The following GAS7 variants were observed in gnomAD, a reference collection of about 807,000 sequenced individuals.
GAS7 encodes growth arrest specific 7.
In GAS7, 28 loss-of-function variants were observed where a neutral mutation model predicts 71.1. The observed-to-expected ratio is 0.39, with a 90% CI of 0.29 to 0.54. The LOEUF (loss-of-function observed/expected upper bound fraction) is 0.54, where lower values mean the gene tolerates loss of function less well. Among genes scored for constraint, GAS7 ranks in the 20% least tolerant of loss-of-function variants. GAS7 has a pLI of 0.62. For synonymous variants in GAS7, 258 were observed against 245.8 expected (o/e 1.05, Z -0.46); for missense variants, 436 against 627.8 (o/e 0.69, Z 3.27).
At chr17:9,995,858 C>T (rs2071021366) in intron 2 of GAS7, among the ~76,000 whole-genome samples, 1 of 152,152 alleles carries the variant, frequency 6.6e-6, no homozygotes, top group African/African-American at 2.4e-5. Context: ...TAAATGTTCA[C>T]CAACAGGGGA....
At position 10,065,875 on chromosome 17, in the gene GAS7, G is replaced by A. The variant is rs770495853; in HGVS notation, c.184-45978C>T. 8.5e-4 allele frequency among the ~76,000 whole-genome samples: 130 copies of A among 152,116 alleles called. 1 individual carries two copies. The highest frequency in any genetic ancestry group is 6.5e-4 in the Non-Finnish European group (44 of 68,018). The stretch of plus-strand genomic sequence containing the variant: ...CCAACTGTGCCAGTCACATAACACT[G>A]GAAGAAGAAATAGCCAGAATGTTGG... On this transcript the variant is annotated intron_variant, in intron 1 of 13. Coordinates refer to ENST00000432992, the MANE Select transcript of GAS7 (RefSeq NM_201433.2).
At chr17:10,004,470 G>T (rs575612849) in intron 2 of GAS7, among the ~76,000 whole-genome samples, 1 of 151,950 alleles carries the variant, frequency 6.6e-6, no homozygotes, top group Non-Finnish European at 1.5e-5. Context: ...ACTTCCCGCC[G>T]CACCACAGGT....
At chr17:9,937,643 T>C (rs1365666304) in intron 8 of GAS7, among the ~76,000 whole-genome samples, 1 of 152,212 alleles carries the variant, frequency 6.6e-6, no homozygotes, top group African/African-American at 2.4e-5. Flanking sequence ...AGCCAACCCA[T>C]GTGGAGGGCT....
chr17:10,155,159 T>C (rs2074196466), intron 1 of GAS7, among the ~76,000 whole-genome samples: 1 of 151,822 alleles, frequency 6.6e-6, no homozygotes, highest in African/African-American at 2.4e-5. Context: ...GGATTACAGG[T>C]GCGTACCAAC....
chr17:10,018,688 G>A lies in GAS7; in HGVS notation c.304+1089C>T, dbSNP rs2072137780. 2.0e-5 allele frequency among the ~76,000 whole-genome samples: 3 copies of A among 152,266 alleles called. No homozygotes were observed. The South Asian group carries it at 6.2e-4, about 32-fold the overall frequency. On this transcript the variant is annotated intron_variant, in intron 2 of 13. Transcript: ENST00000432992. ...TACGAATAAACCAGCTGCCTTCTTT[G>A]TGTCTCTGCTAAACAGTAGCTGGCT...
At chr17:10,182,150 C>T (rs1461961835) in intron 1 of GAS7, among the ~76,000 whole-genome samples, 1 of 152,138 alleles carries the variant, frequency 6.6e-6, no homozygotes, top group East Asian at 1.9e-4. Context: ...CGGTAGCCAT[C>T]CTTTTATTCC....
rs538328031 is a variant in GAS7 at position 9,995,544 on chromosome 17, A to C, written c.305-13660T>G. On this transcript the variant is annotated intron_variant, in intron 2 of 13. Transcript: ENST00000432992. Reference sequence around the variant, plus strand: ...ACAATTGCAAATGATCAATAACAAAAAAAAAAAAAAAAGATACTCATTCTC... The same window carrying C: ...ACAATTGCAAATGATCAATAACAAACAAAAAAAAAAAAGATACTCATTCTC... Among the ~76,000 whole-genome samples the C allele has an allele frequency of 8.6e-3, 533 of 61,656 alleles. 1 individual carries two copies. Among genetic ancestry groups the C allele is most frequent in the African/African-American group, 0.031 (333 of 10,918 alleles). The allele number at this position is 61,656 out of a possible 152,430, so 40.4% of individuals were successfully genotyped here. A position where few individuals can be genotyped will look rare whatever the true frequency, so the allele number is the denominator to read the frequency against.
At chr17:9,973,050 A>C (rs1055580736) in intron 3 of GAS7, among the ~76,000 whole-genome samples, 1 of 152,156 alleles carries the variant, frequency 6.6e-6, no homozygotes, top group African/African-American at 2.4e-5. Flanking sequence ...CCAAAAGAAA[A>C]CAGGAGAACG....
intron 1 of GAS7, among the ~76,000 whole-genome samples, chr17:10,136,022 C>A (rs1027306013): frequency 1.3e-5 from 2 of 152,102 alleles, no homozygotes; most frequent in African/African-American, 2.4e-5. Flanking sequence ...TGGTTCAGCT[C>A]GGAACAACAC....
chr17:10,108,653 G>A (rs2142063198), intron 1 of GAS7, among the ~76,000 whole-genome samples: 1 of 152,290 alleles, frequency 6.6e-6, no homozygotes, highest in East Asian at 1.9e-4. Flanking sequence ...CAATGGAACA[G>A]AATAGAGAAT....
chr17:10,094,618 G>A (rs888773071), intron 1 of GAS7, among the ~76,000 whole-genome samples: 12 of 152,078 alleles, frequency 7.9e-5, no homozygotes, highest in East Asian at 3.9e-4. Flanking sequence ...ACAGACACGC[G>A]CCACCACGCC....
At chr17:10,155,547 T>G (rs1411376245) in intron 1 of GAS7, among the ~76,000 whole-genome samples, 1 of 152,152 alleles carries the variant, frequency 6.6e-6, no homozygotes, top group Non-Finnish European at 1.5e-5. Context: ...AAATAGAAGC[T>G]AGTTCAAGCC....
intron 1 of GAS7, among the ~76,000 whole-genome samples, chr17:10,109,739 CA>C (rs1336246560): frequency 6.6e-6 from 1 of 152,006 alleles, no homozygotes; most frequent in Non-Finnish European, 1.5e-5. Context: ...GCCAACATAG[CA>C]AAACTCCGTC....
At chr17:9,948,205 C>T (rs1405061032) in intron 5 of GAS7, among the ~76,000 whole-genome samples, 1 of 152,206 alleles carries the variant, frequency 6.6e-6, no homozygotes, top group Non-Finnish European at 1.5e-5. Context: ...ACCCCTAGCT[C>T]CCATGTTGTT....
At chr17:10,067,471 C>T (rs2073294118) in intron 1 of GAS7, among the ~76,000 whole-genome samples, 1 of 152,094 alleles carries the variant, frequency 6.6e-6, no homozygotes, top group East Asian at 1.9e-4. Flanking sequence ...TCTCGAACTG[C>T]TGACCTTGTG....
intron 1 of GAS7, among the ~76,000 whole-genome samples, chr17:10,045,651 C>A (rs755814708): frequency 6.6e-6 from 1 of 152,124 alleles, no homozygotes; most frequent in Non-Finnish European, 1.5e-5. Flanking sequence ...GAGCTGAGAT[C>A]GCGCCATTGC....
chr17:9,975,871 A>G (rs797001722), intron 3 of GAS7, among the ~76,000 whole-genome samples: 17 of 152,320 alleles, frequency 1.1e-4, no homozygotes, highest in African/African-American at 4.1e-4. Context: ...CGTGAAATCC[A>G]CTTTGGGACA....
chr17:9,944,815 T>C (rs2068731404), intron 6 of GAS7, among the ~76,000 whole-genome samples: 1 of 152,192 alleles, frequency 6.6e-6, no homozygotes, highest in Admixed American at 6.5e-5. Context: ...AGGAAAATTA[T>C]CCAAATACTG....
intron 1 of GAS7, among the ~76,000 whole-genome samples, chr17:10,163,548 G>A (rs543843413): frequency 1.3e-5 from 2 of 151,994 alleles, no homozygotes; most frequent in East Asian, 1.9e-4. Context: ...AAAGTTGAAA[G>A]AAATAAAAAG....
Sources: gnomAD v4.1 joint callset for allele counts (sites outside exome capture counted in the v4.1 genomes callset) on GRCh38, gnomAD v4.1.1 for gene constraint, MANE v1.5 for transcripts, NCBI Gene and HGNC (gene_info 2026-07-23, HGNC 2026-07-21) for gene names.